GAPVD1: variants seen among roughly 807,000 people sequenced by gnomAD.
GAPVD1 encodes GTPase-activating protein and VPS9 domain-containing protein 1.
A neutral mutation model predicts 155.5 loss-of-function variants in GAPVD1; 35 were observed. The observed-to-expected ratio is 0.23, with a 90% CI of 0.17 to 0.30. The LOEUF is 0.30. Ranked by LOEUF, GAPVD1 falls within the 10% of genes least tolerant of loss-of-function variation. The pLI is 1.00. For missense variants in GAPVD1, 1,429 were observed against 1,775.7 expected, an observed-to-expected ratio of 0.80 and a Z score of 3.51; for synonymous variants, 636 against 619.7, an observed-to-expected ratio of 1.03 and a Z score of -0.39.
In GAPVD1 at chr9:125,302,647, G is replaced by T. The variant is rs55779102; in HGVS notation, c.850G>T (p.Val284Leu). Residue 284 changes from valine (V) to leucine (L), a missense_variant, in exon 5 of 28, where the codon GTG becomes TTG. Around this residue, in one of 4 missense-constraint regions of GAPVD1, gnomAD observed 628 missense variants for 733.4 expected, o/e 0.86. Transcript: ENST00000297933. ...YCFPHSLRWIVSQMYKTLSCV... is the reference protein window; with the variant it reads ...YCFPHSLRWILSQMYKTLSCV... ...TTTTCCACATAGTTTAAGGTGGATCGTGTCTCAGATGTACAAAACCCTCTC... is the reference window on the plus strand; with the variant it reads ...TTTTCCACATAGTTTAAGGTGGATCTTGTCTCAGATGTACAAAACCCTCTC... The T allele has an allele frequency of 6.2e-7, 1 of 1,613,862 alleles. No individual in the cohort carries two copies. Among genetic ancestry groups the T allele is most frequent in the Admixed American group, 1.7e-5 (1 of 59,998 alleles).
chr9:125,280,116 G>A (rs1236393655), intron 2 of GAPVD1, among the ~76,000 whole-genome samples: 1 of 150,350 alleles, frequency 6.7e-6, no homozygotes, highest in Non-Finnish European at 1.5e-5. Flanking sequence ...AATGAGAAGA[G>A]CCGGGCACAG....
chr9:125,328,473 C>T (rs1327963081), intron 12 of GAPVD1, among the ~76,000 whole-genome samples: 2 of 136,392 alleles, frequency 1.5e-5, no homozygotes, highest in Non-Finnish European at 3.1e-5. Context: ...TCCATTTAAC[C>T]CTGAGTGGAC....
Position 125,361,939 on chromosome 9 carries a change from C to G in GAPVD1, c.4243-667C>G, listed in dbSNP as rs546800139. Among the ~76,000 whole-genome samples the G allele has an allele frequency of 2.6e-5, 4 of 152,282 alleles. No individual in the cohort carries two copies. In the East Asian group the frequency reaches 7.7e-4, roughly 29 times the overall value. On this transcript the variant is annotated intron_variant, in intron 27 of 27. Transcript: ENST00000297933. Reference sequence around the variant, plus strand: ...ACTATTTCTTAGTGTTGTGATATTTCTACAACCTGAACACTTAGCTTGGAG... The same window carrying G: ...ACTATTTCTTAGTGTTGTGATATTTGTACAACCTGAACACTTAGCTTGGAG...
At chr9:125,313,894 C>T (rs1843010446) in intron 9 of GAPVD1, among the ~76,000 whole-genome samples, 1 of 152,238 alleles carries the variant, frequency 6.6e-6, no homozygotes, top group South Asian at 2.1e-4. Context: ...AATCACTGCA[C>T]CCAGCCAATG....
chr9:125,358,022 G>A (rs2132622958), intron 25 of GAPVD1, among the ~76,000 whole-genome samples: 1 of 151,546 alleles, frequency 6.6e-6, no homozygotes, highest in South Asian at 2.1e-4. Context: ...AATTAATCTT[G>A]GGAAAAATTA....
intron 9 of GAPVD1, among the ~76,000 whole-genome samples, chr9:125,315,420 T>C (rs1406099267): frequency 6.6e-6 from 1 of 152,206 alleles, no homozygotes; most frequent in Middle Eastern, 3.2e-3. Flanking sequence ...TGTTACCATC[T>C]TCAACCCCCA....
In GAPVD1 at chr9:125,288,577, A is replaced by T. The variant is rs116813930; in HGVS notation, c.-149-6881A>T. Among the ~76,000 whole-genome samples the T allele has an allele frequency of 1.7e-3, 259 of 151,510 alleles. 1 individual carries two copies. Among genetic ancestry groups the T allele is most frequent in the African/African-American group, 5.9e-3 (242 of 41,218 alleles). ...TTTTTTAAGAGACAGAGGTCTCACT[A>T]TGTTCCCCAGGGTGGTCTTGAATTC... is the stretch of plus-strand genomic sequence containing the variant. On this transcript the variant is annotated intron_variant, in intron 2 of 27. Transcript: ENST00000297933.
chr9:125,310,185 A>C (rs1339510213), intron 8 of GAPVD1, among the ~76,000 whole-genome samples: 1 of 152,216 alleles, frequency 6.6e-6, no homozygotes, highest in Non-Finnish European at 1.5e-5. Context: ...AGATCTGTTT[A>C]TGAACTTGAA....
In GAPVD1 at chr9:125,363,861, G is replaced by A. The variant is rs1276587701; in HGVS notation, c.*1115G>A. 1 of 152,530 alleles carries A rather than the reference G, an allele frequency of 6.6e-6. No homozygotes were observed. The highest frequency in any genetic ancestry group is 1.5e-5 in the Non-Finnish European group (1 of 68,006). The allele number at this position is 152,530 out of a possible 1,614,324, so 9.4% of individuals were successfully genotyped here. A position where few individuals can be genotyped will look rare whatever the true frequency, so the allele number is the denominator to read the frequency against. Reference sequence around the variant, plus strand: ...AATATCTATTTTGGCAGGTTTCTGTGCCTTTATTTCCCTCTTCTGAAAAAA... The same window carrying A: ...AATATCTATTTTGGCAGGTTTCTGTACCTTTATTTCCCTCTTCTGAAAAAA... On this transcript the variant is annotated 3_prime_UTR_variant, in exon 28 of 28. Coordinates refer to ENST00000297933, the MANE Select transcript of GAPVD1 (RefSeq NM_001282680.3).
chr9:125,275,394 G>A (rs1307874095), intron 2 of GAPVD1, among the ~76,000 whole-genome samples: 1 of 151,988 alleles, frequency 6.6e-6, no homozygotes, highest in Non-Finnish European at 1.5e-5. Context: ...TTATTTTTTT[G>A]ATGGACATCT....
chr9:125,352,305 G>A (rs1378164130), intron 23 of GAPVD1, among the ~76,000 whole-genome samples: 3 of 152,212 alleles, frequency 2.0e-5, no homozygotes, highest in African/African-American at 7.2e-5. Context: ...TTCCCCATGA[G>A]GACCCTGCCC....
intron 15 of GAPVD1, among the ~76,000 whole-genome samples, chr9:125,334,227 T>C (rs893898044): frequency 2.1e-5 from 3 of 140,548 alleles, no homozygotes; most frequent in African/African-American, 8.0e-5. Context: ...GCTGGGGCCC[T>C]AGCAGGATGC....
At position 125,305,132 on chromosome 9, in the gene GAPVD1, C is replaced by G. The variant is rs1228211244; in HGVS notation, c.1099C>G (p.Leu367Val). Residue 367 changes from leucine (L) to valine (V), a missense_variant, in exon 6 of 28, where the codon CTT becomes GTT. By Grantham distance (32) the Leu-to-Val change is conservative (BLOSUM62 1). This residue lies in a region of GAPVD1 where 628 missense variants were observed against 733.4 expected (regional missense o/e 0.86). Transcript: ENST00000297933. ...EEGDPRTKSS[L>V]GKFDKSCVAA... ...GGGAGATCCCCGAACAAAGAGCAGC[C>G]TTGGAAAGTTTGACAAAGTAAGAAT... The G allele has an allele frequency of 6.2e-7, 1 of 1,612,440 alleles. No homozygotes were observed. Among genetic ancestry groups the G allele is most frequent in the African/African-American group, 1.3e-5 (1 of 74,964 alleles).
intron 15 of GAPVD1, among the ~76,000 whole-genome samples, chr9:125,335,981 T>C (rs111933795): frequency 1.2e-4 from 18 of 151,734 alleles, no homozygotes; most frequent in African/African-American, 4.1e-4. Context: ...GGTGAGACCC[T>C]GTCTCTACAA....
At chr9:125,357,021 G>A (rs536577176) in intron 25 of GAPVD1, among the ~76,000 whole-genome samples, 1 of 152,060 alleles carries the variant, frequency 6.6e-6, no homozygotes, top group Admixed American at 6.6e-5. Flanking sequence ...TTCCGAGGTT[G>A]GTCTCAAACT....
chr9:125,346,619 A>G lies in GAPVD1; in HGVS notation c.3047-200A>G. On this transcript the variant is annotated intron_variant, in intron 19 of 27. Transcript: ENST00000297933. ...TGAGAAGGTGGAGCTACTCTTCCCA[A>G]TTTCCTGCTTTGGCAAGGCTCTCAG... 4 of 612,560 alleles carry G rather than the reference A, an allele frequency of 6.5e-6. No homozygotes were observed. In the East Asian group the frequency reaches 8.6e-5, roughly 13 times the overall value. 37.9% of individuals were successfully genotyped at this position (612,560 alleles called of 1,614,324 possible).
intron 3 of GAPVD1, among the ~76,000 whole-genome samples, chr9:125,298,570 C>T (rs986957295): frequency 7.3e-6 from 1 of 136,748 alleles, no homozygotes; most frequent in African/African-American, 2.7e-5. Flanking sequence ...CTCACTGCAA[C>T]CTCTGTCTCC....
chr9:125,307,624 T>A (rs1459703153), intron 7 of GAPVD1, 67 bp from the exon 8 acceptor site: 6 of 1,560,430 alleles, frequency 3.8e-6, no homozygotes, highest in Non-Finnish European at 5.3e-6. Context: ...ATGAGTACAT[T>A]GTGTGGGAAA....
intron 8 of GAPVD1, chr9:125,310,117 TA>T (rs1420433934): frequency 8.4e-6 from 2 of 237,670 alleles, no homozygotes; most frequent in Non-Finnish European, 1.8e-5. Context: ...AATTGCTACA[TA>T]AAATTTGATT....
Sources: gnomAD v4.1 joint callset for allele counts (sites outside exome capture counted in the v4.1 genomes callset) on GRCh38, gnomAD v4.1.1 for gene constraint, gnomAD v4.1.1 regional missense constraint, MANE v1.5 for transcripts, NCBI Gene and HGNC (gene_info 2026-07-23, HGNC 2026-07-21) for gene names.